The following UGT1A8 variants were observed in gnomAD, a reference collection of about 807,000 sequenced individuals.
The protein encoded by UGT1A8 is UDP-glucuronosyltransferase 1A8.
A neutral mutation model predicts 45.3 loss-of-function variants in UGT1A8; 39 were observed. That is an observed-to-expected ratio of 0.86 (90% CI 0.67 to 1.12). The LOEUF is 1.12. Among genes scored for constraint, UGT1A8 ranks in the 50% most tolerant of loss-of-function variants. The pLI is 0.00. For missense variants in UGT1A8, 719 were observed against 664.9 expected, an observed-to-expected ratio of 1.08 and a Z score of -0.90; for synonymous variants, 275 against 249.2, an observed-to-expected ratio of 1.10 and a Z score of -0.97.
intron 1 of UGT1A8, 63 bp downstream of exon 1, chr2:233,618,625 C>A: frequency 6.5e-7 from 1 of 1,537,446 alleles, no homozygotes; most frequent in Non-Finnish European, 8.7e-7. Context: ...AAAAAGATTC[C>A]TTACTGAATT....
chr2:233,634,082 T>A (rs1241433055), intron 1 of UGT1A8, among the ~76,000 whole-genome samples: 4 of 152,118 alleles, frequency 2.6e-5, no homozygotes, highest in African/African-American at 4.8e-5. Context: ...TAGTAATGCA[T>A]GAGCAGGTTG....
chr2:233,674,514 C>T (rs1159534738), intron 1 of UGT1A8, among the ~76,000 whole-genome samples: 1 of 152,100 alleles, frequency 6.6e-6, no homozygotes, highest in African/African-American at 2.4e-5. Context: ...TTTATTGTGC[C>T]TCACAGCGTC....
At chr2:233,630,541 T>A (rs1213778318) in intron 1 of UGT1A8, among the ~76,000 whole-genome samples, 1 of 152,222 alleles carries the variant, frequency 6.6e-6, no homozygotes, top group South Asian at 2.1e-4. Flanking sequence ...GGGTAATTTA[T>A]AAAGAAAAGA....
intron 1 of UGT1A8, among the ~76,000 whole-genome samples, chr2:233,696,448 G>A (rs1198346703): frequency 6.6e-6 from 1 of 152,068 alleles, no homozygotes; most frequent in African/African-American, 2.4e-5. Context: ...ATTTATAAAT[G>A]CTACTGATTT....
chr2:233,619,603 A>G (rs529333345), intron 1 of UGT1A8, among the ~76,000 whole-genome samples: 4 of 152,150 alleles, frequency 2.6e-5, no homozygotes, highest in Non-Finnish European at 2.9e-5. Flanking sequence ...TTTTCACTAT[A>G]TAAGCATTTA....
intron 1 of UGT1A8, chr2:233,729,358 A>T: frequency 1.9e-6 from 3 of 1,614,176 alleles, no homozygotes; most frequent in East Asian, 4.5e-5. Context: ...TTTCACCCTG[A>T]CAACCTATGC....
chr2:233,768,820 G>A (rs1699735908), intron 4 of UGT1A8, among the ~76,000 whole-genome samples: 1 of 151,998 alleles, frequency 6.6e-6, no homozygotes, highest in Non-Finnish European at 1.5e-5. Flanking sequence ...CTGACTTCAG[G>A]TGATCCACCT....
intron 1 of UGT1A8, among the ~76,000 whole-genome samples, chr2:233,651,149 C>G (rs2073729550): frequency 6.6e-6 from 1 of 152,198 alleles, no homozygotes; most frequent in Admixed American, 6.5e-5. Context: ...CAAGGCTAGA[C>G]TTTTCAAAGT....
At chr2:233,686,602 G>GTC (rs989920635) in intron 1 of UGT1A8, among the ~76,000 whole-genome samples, 19 of 151,924 alleles carry the variant, frequency 1.3e-4, no homozygotes, top group African/African-American at 3.9e-4. Context: ...TTCTTTGACT[G>GTC]TCTCTCTCTC....
intron 1 of UGT1A8, chr2:233,729,623 C>A (rs142986334): frequency 6.2e-7 from 1 of 1,613,912 alleles, no homozygotes; most frequent in Non-Finnish European, 8.5e-7. Context: ...AAGTACCTGT[C>A]GATTCCTACT....
chr2:233,690,660 A>T, intron 1 of UGT1A8: 1 of 1,280,446 alleles, frequency 7.8e-7, no homozygotes, highest in Non-Finnish European at 1.0e-6. Context: ...TACAGCACCA[A>T]CCAGGGCAGG....
intron 1 of UGT1A8, among the ~76,000 whole-genome samples, chr2:233,690,222 A>G (rs186442417): frequency 7.9e-5 from 12 of 152,318 alleles, no homozygotes; most frequent in African/African-American, 2.2e-4. Context: ...CCATTTTAGT[A>G]TTCTAGATTC....
chr2:233,747,827 G>A, intron 1 of UGT1A8: 1 of 1,613,482 alleles, frequency 6.2e-7, no homozygotes, highest in Non-Finnish European at 8.5e-7. Context: ...CAGACCACAT[G>A]ACATTCCTGC....
intron 1 of UGT1A8, chr2:233,647,977 C>T (rs1200707251): frequency 1.4e-5 from 22 of 1,608,196 alleles, no homozygotes; most frequent in Non-Finnish European, 2.6e-6. Context: ...GGTGGAGAAA[C>T]TCATTCTCAG....
In UGT1A8 at chr2:233,617,942, A is replaced by G. The variant is rs1220619494; in HGVS notation, c.235A>G (p.Thr79Ala). 1.9e-6 allele frequency: 3 copies of G among 1,614,130 alleles called. No individual in the cohort carries two copies. The highest frequency in any genetic ancestry group is 1.3e-5 in the African/African-American group (1 of 75,038). Residue 79 changes from threonine to alanine, a missense_variant, in exon 1 of 5, where the codon ACC becomes GCC. Physicochemically the swap from Thr to Ala is moderately conservative, Grantham distance 58 (BLOSUM62 0). Transcript: ENST00000373450. ...GAATTGCACAGTGAAGACTTACTCA[A>G]CCTCATACACTCTGGAGGATCTGGA... ...SLNCTVKTYSTSYTLEDLDRE... is the reference protein window; with the variant it reads ...SLNCTVKTYSASYTLEDLDRE...
At chr2:233,760,556 A>G (rs1285506084) in intron 1 of UGT1A8, 1 of 1,614,220 alleles carries the variant, frequency 6.2e-7, no homozygotes, top group Admixed American at 1.7e-5. Context: ...GATGTGAAAG[A>G]GTCTTTTGTT....
intron 1 of UGT1A8, among the ~76,000 whole-genome samples, chr2:233,733,802 G>A (rs2078438664): frequency 6.6e-6 from 1 of 152,152 alleles, no homozygotes; most frequent in African/African-American, 2.4e-5. Flanking sequence ...TTTGGTATCA[G>A]GATGATGCTG....
chr2:233,652,366 T>C (rs933268569), intron 1 of UGT1A8, among the ~76,000 whole-genome samples: 1 of 152,256 alleles, frequency 6.6e-6, no homozygotes, highest in African/African-American at 2.4e-5. Flanking sequence ...TTCAATATTT[T>C]ATTATACTGA....
At chr2:233,681,345 G>A (rs999137622) in intron 1 of UGT1A8, among the ~76,000 whole-genome samples, 1 of 151,696 alleles carries the variant, frequency 6.6e-6, no homozygotes, top group African/African-American at 2.4e-5. Context: ...ACCAGCCTGG[G>A]CAACATGGTG....
Sources: allele counts gnomAD v4.1 joint callset (sites outside exome capture counted in the v4.1 genomes callset), GRCh38; gene constraint gnomAD v4.1.1; transcripts MANE v1.5; gene names NCBI Gene and HGNC (gene_info 2026-07-23, HGNC 2026-07-21).